The following DLGAP2 variants were observed in gnomAD, a reference collection of about 807,000 sequenced individuals.
The protein encoded by DLGAP2 is DLG associated protein 2.
In DLGAP2, 26 loss-of-function variants were observed where a neutral mutation model predicts 100.3. The ratio of observed to expected loss-of-function variants is 0.26; its 90% confidence interval spans 0.19 to 0.36. The LOEUF (loss-of-function observed/expected upper bound fraction) is 0.36, where lower values mean the gene tolerates loss of function less well. Among genes scored for constraint, DLGAP2 ranks in the 10% least tolerant of loss-of-function variants. The pLI, the probability that DLGAP2 is intolerant of heterozygous loss-of-function variation, is 1.00. For missense variants in DLGAP2, 1,858 were observed against 1,453.2 expected, an observed-to-expected ratio of 1.28 and a Z score of -4.53; for synonymous variants, 886 against 630.1, an observed-to-expected ratio of 1.41 and a Z score of -6.08.
At chr8:862,051 C>T (rs1447120363) in intron 1 of DLGAP2, among the ~76,000 whole-genome samples, 1 of 152,184 alleles carries the variant, frequency 6.6e-6, no homozygotes, top group Non-Finnish European at 1.5e-5. Flanking sequence ...GTTTCTAACA[C>T]AGTTTTCTGT....
chr8:923,107 C>G (rs1798747802), intron 2 of DLGAP2, among the ~76,000 whole-genome samples: 1 of 152,202 alleles, frequency 6.6e-6, no homozygotes, highest in Admixed American at 6.5e-5. Flanking sequence ...CAGCAAGTTA[C>G]TACGGAACAA....
At chr8:1,619,332 A>T (rs2957089) in intron 6 of DLGAP2, among the ~76,000 whole-genome samples, 50,719 of 152,150 alleles carry the variant, frequency 0.33, 8,577 homozygotes, top group East Asian at 0.5. Flanking sequence ...AACATGCCCA[A>T]GAGGATACGG....
At chr8:1,255,027 T>TC (rs1554426522) in intron 2 of DLGAP2, among the ~76,000 whole-genome samples, 18 of 51,366 alleles carry the variant, frequency 3.5e-4, no homozygotes, top group African/African-American at 1.1e-3. Context: ...TGTGTGTGTC[T>TC]TCTCCTGCCC....
At chr8:1,376,196 G>A (rs1452233284) in intron 3 of DLGAP2, among the ~76,000 whole-genome samples, 1 of 152,198 alleles carries the variant, frequency 6.6e-6, no homozygotes, top group African/African-American at 2.4e-5. Context: ...TCAGAATGAG[G>A]CAGTAAACTC....
chr8:920,441 G>A (rs959329082), intron 2 of DLGAP2, among the ~76,000 whole-genome samples: 3 of 152,224 alleles, frequency 2.0e-5, no homozygotes, highest in East Asian at 3.8e-4. Flanking sequence ...AATCCTGGGT[G>A]CATAATAACA....
At chr8:910,622 G>A (rs1447283836) in intron 2 of DLGAP2, 1 of 152,080 alleles carries the variant, frequency 6.6e-6, no homozygotes, top group Non-Finnish European at 1.5e-5. Context: ...TTCTTGCTTT[G>A]GTGACCCCTG....
chr8:1,336,587 C>G (rs1177080979), intron 3 of DLGAP2, among the ~76,000 whole-genome samples: 3 of 152,202 alleles, frequency 2.0e-5, no homozygotes, highest in Admixed American at 6.5e-5. Context: ...CTGGTTCAGA[C>G]TAGTCACAGG....
chr8:952,999 T>G (rs1226067385), intron 2 of DLGAP2, among the ~76,000 whole-genome samples: 1 of 152,198 alleles, frequency 6.6e-6, no homozygotes, highest in Non-Finnish European at 1.5e-5. Flanking sequence ...TATAGCATCA[T>G]GCACTGGTCA....
At chr8:1,458,013 T>TATAA (rs1798368413) in intron 3 of DLGAP2, among the ~76,000 whole-genome samples, 2 of 133,954 alleles carry the variant, frequency 1.5e-5, no homozygotes, top group African/African-American at 5.4e-5. Flanking sequence ...TATATATATA[T>TATAA]AATTTTTTAT....
Position 1,520,116 on chromosome 8 carries a change from A to G in DLGAP2, c.172+18685A>G, listed in dbSNP as rs1355842539. Reference sequence around the variant, plus strand: ...ACGCTGTCCCCATCTCTGCTTCCCAACATACCATGGGCTATACACCTGATG... The same window carrying G: ...ACGCTGTCCCCATCTCTGCTTCCCAGCATACCATGGGCTATACACCTGATG... On this transcript the variant is annotated intron_variant, in intron 4 of 14. Coordinates refer to ENST00000637795, the MANE Select transcript of DLGAP2 (RefSeq NM_001346810.2). Among the ~76,000 whole-genome samples the G allele has an allele frequency of 3.9e-5, 6 of 152,202 alleles. No homozygotes were observed. In the East Asian group the frequency reaches 1.2e-3, roughly 29 times the overall value.
intron 1 of DLGAP2, among the ~76,000 whole-genome samples, chr8:752,807 C>T (rs1266641190): frequency 6.6e-6 from 1 of 152,110 alleles, no homozygotes; most frequent in Admixed American, 6.5e-5. Context: ...ATACTGTCGG[C>T]TGGGCCCAGG....
chr8:873,618 A>G (rs1471359627), intron 1 of DLGAP2, among the ~76,000 whole-genome samples: 3 of 152,148 alleles, frequency 2.0e-5, no homozygotes, highest in African/African-American at 7.2e-5. Flanking sequence ...TTTATGAGAT[A>G]TTCATCTTTA....
intron 2 of DLGAP2, among the ~76,000 whole-genome samples, chr8:914,167 C>T (rs1798544302): frequency 6.6e-6 from 1 of 152,190 alleles, no homozygotes; most frequent in South Asian, 2.1e-4. Flanking sequence ...AACAGAATTC[C>T]ATACGATGTG....
chr8:763,335 A>G (rs1821133926), intron 1 of DLGAP2, among the ~76,000 whole-genome samples: 1 of 152,218 alleles, frequency 6.6e-6, no homozygotes, highest in African/African-American at 2.4e-5. Context: ...TACTGTTGTC[A>G]CTCATCTTCT....
chr8:1,119,465 A>C (rs1020335154), intron 2 of DLGAP2, among the ~76,000 whole-genome samples: 2 of 152,156 alleles, frequency 1.3e-5, no homozygotes, highest in Admixed American at 1.3e-4. Flanking sequence ...TGTACTCATC[A>C]GTTCATAAAT....
intron 3 of DLGAP2, among the ~76,000 whole-genome samples, chr8:1,299,749 C>G (rs1017402076): frequency 3.9e-5 from 6 of 152,146 alleles, no homozygotes; most frequent in African/African-American, 1.2e-4. Flanking sequence ...TTATTATCAT[C>G]TACAATCCCC....
intron 4 of DLGAP2, among the ~76,000 whole-genome samples, chr8:1,533,305 T>G (rs543335438): frequency 9.9e-5 from 15 of 152,198 alleles, no homozygotes; most frequent in Middle Eastern, 3.4e-3. Flanking sequence ...AAGATCATCC[T>G]GGCTAACATG....
At chr8:1,030,701 T>C (rs1563154136) in intron 2 of DLGAP2, among the ~76,000 whole-genome samples, 1 of 152,236 alleles carries the variant, frequency 6.6e-6, no homozygotes, top group Non-Finnish European at 1.5e-5. Flanking sequence ...TTTGCAGTTT[T>C]GCTTCAGAGA....
At chr8:958,236 C>A (rs1018147201) in intron 2 of DLGAP2, among the ~76,000 whole-genome samples, 2 of 152,122 alleles carry the variant, frequency 1.3e-5, no homozygotes, top group East Asian at 1.9e-4. Flanking sequence ...TATGTCTGAA[C>A]AGTAATCCAT....
Sources: allele counts gnomAD v4.1 joint callset (sites outside exome capture counted in the v4.1 genomes callset), GRCh38; gene constraint gnomAD v4.1.1; transcripts MANE v1.5; gene names NCBI Gene and HGNC (gene_info 2026-07-23, HGNC 2026-07-21).